The following ATP13A4 variants were observed in gnomAD, a reference collection of about 807,000 sequenced individuals.
ATP13A4 encodes ATPase 13A4, also known as probable cation-transporting ATPase 13A4.
In ATP13A4, 114 loss-of-function variants were observed where a neutral mutation model predicts 142.5. That is an observed-to-expected ratio of 0.80 (90% CI 0.69 to 0.93). The LOEUF is 0.93. ATP13A4 is among the 40% of genes least tolerant of loss of function. ATP13A4 has a pLI of 0.00. For synonymous variants in ATP13A4, 488 were observed against 514.8 expected, an observed-to-expected ratio of 0.95 and a Z score of 0.70; for missense variants, 1,392 against 1,454.0, an observed-to-expected ratio of 0.96 and a Z score of 0.69.
intron 2 of ATP13A4, among the ~76,000 whole-genome samples, chr3:193,507,228 G>A (rs1720906895): frequency 6.6e-6 from 1 of 152,134 alleles, no homozygotes. Flanking sequence ...ATACCTAGAG[G>A]ATTATGGATA....
intron 12 of ATP13A4, among the ~76,000 whole-genome samples, chr3:193,464,026 C>T (rs1449006695): frequency 6.6e-6 from 1 of 152,158 alleles, no homozygotes; most frequent in Non-Finnish European, 1.5e-5. Flanking sequence ...CACTTAATGC[C>T]AGTGAACAGT....
chr3:193,555,242 C>T, upstream of ATP13A4: 1 of 286,414 alleles, frequency 3.5e-6, no homozygotes, highest in Non-Finnish European at 6.9e-6. Flanking sequence ...CTGCTTTATT[C>T]AGAGGACCTA....
chr3:193,457,910 T>C (rs1717730919), intron 14 of ATP13A4, among the ~76,000 whole-genome samples: 1 of 152,234 alleles, frequency 6.6e-6, no homozygotes, highest in South Asian at 2.1e-4. Flanking sequence ...GGGCAGAGAC[T>C]GTGATATACA....
intron 25 of ATP13A4, among the ~76,000 whole-genome samples, chr3:193,425,874 T>A (rs1475511680): frequency 6.6e-6 from 1 of 151,772 alleles, no homozygotes; most frequent in African/African-American, 2.4e-5. Context: ...GAATTCTGAA[T>A]GTTCTCACTA....
chr3:193,461,155 A>G (rs1410494196), intron 13 of ATP13A4, among the ~76,000 whole-genome samples: 2 of 152,230 alleles, frequency 1.3e-5, no homozygotes, highest in Non-Finnish European at 2.9e-5. Context: ...CATTATATTA[A>G]TTGTTATTCC....
intron 2 of ATP13A4, among the ~76,000 whole-genome samples, chr3:193,566,917 C>T (rs1724147289): frequency 6.6e-6 from 1 of 152,206 alleles, no homozygotes; most frequent in South Asian, 2.1e-4. Flanking sequence ...TCATACCTAA[C>T]ATGAATGTTT....
At chr3:193,404,683 T>A (rs1020902914) in intron 29 of ATP13A4, among the ~76,000 whole-genome samples, 1 of 152,154 alleles carries the variant, frequency 6.6e-6, no homozygotes, top group Non-Finnish European at 1.5e-5. Flanking sequence ...TCCGCCATGA[T>A]TGAAAGTTTC....
At chr3:193,513,184 A>G (rs1046642654) in intron 2 of ATP13A4, among the ~76,000 whole-genome samples, 9 of 152,190 alleles carry the variant, frequency 5.9e-5, no homozygotes, top group African/African-American at 2.2e-4. Context: ...GCTGGCCCCA[A>G]TGGAGCAAGT....
rs1316066323 is a variant in ATP13A4, at chr3:193,400,912, G to A, written c.*1740C>T. On this transcript the variant is annotated 3_prime_UTR_variant, in exon 30 of 30. Transcript: ENST00000342695. ...CATTCAGAACTGCCATATCATTGCT[G>A]AGGCTGGCTTTGCAAAAGGAAACAT... Among the ~76,000 whole-genome samples, 1 of 152,202 alleles carries A rather than the reference G, an allele frequency of 6.6e-6. No homozygotes were observed. The highest frequency in any genetic ancestry group is 1.9e-4 in the East Asian group (1 of 5,198).
In ATP13A4 at chr3:193,531,650, T is replaced by C. The variant is rs374913971; in HGVS notation, c.61-16779A>G. On this transcript the variant is annotated intron_variant, in intron 1 of 29. Coordinates refer to ENST00000342695, the MANE Select transcript of ATP13A4 (RefSeq NM_032279.4). ...TTCAATTGACATGGTTTGGCTATTG[T>C]CTAAGGCTGAGAAAAGATGGATGAC... is the stretch of plus-strand genomic sequence containing the variant. Among the ~76,000 whole-genome samples, 4 of 152,228 alleles carry C rather than the reference T, an allele frequency of 2.6e-5. No homozygotes were observed. The South Asian group carries it at 8.3e-4, about 32-fold the overall frequency.
intron 3 of ATP13A4, among the ~76,000 whole-genome samples, chr3:193,494,533 G>A (rs1434185981): frequency 6.6e-6 from 1 of 151,854 alleles, no homozygotes; most frequent in Non-Finnish European, 1.5e-5. Context: ...CAACCAATTG[G>A]TCAACAAAGA....
At chr3:193,473,815 C>CA (rs758979182) in intron 8 of ATP13A4, among the ~76,000 whole-genome samples, 16 of 152,180 alleles carry the variant, frequency 1.1e-4, no homozygotes, top group Admixed American at 5.2e-4. Context: ...TCAGAAGAGT[C>CA]AAAGTCACAG....
At chr3:193,445,047 G>A (rs182652297) in intron 18 of ATP13A4, among the ~76,000 whole-genome samples, 43 of 152,276 alleles carry the variant, frequency 2.8e-4, no homozygotes, top group African/African-American at 9.6e-4. Context: ...TAAGAAATCC[G>A]AGACACTGGA....
intron 26 of ATP13A4, among the ~76,000 whole-genome samples, chr3:193,413,033 A>G (rs114502449): frequency 0.058 from 8,860 of 152,286 alleles, 476 homozygotes; most frequent in East Asian, 0.18. Context: ...TATAACAGCA[A>G]CAACGACAAC....
chr3:193,548,617 A>G (rs1577072110), intron 1 of ATP13A4, among the ~76,000 whole-genome samples: 2 of 152,354 alleles, frequency 1.3e-5, no homozygotes, highest in East Asian at 3.9e-4. Context: ...AGAGGTGCTC[A>G]TGGAGCATAA....
chr3:193,582,138 ACTTTT>A (rs1225773674), intron 1 of ATP13A4, among the ~76,000 whole-genome samples: 57 of 135,308 alleles, frequency 4.2e-4, no homozygotes, highest in Admixed American at 1.6e-3. Context: ...ACATATGTAT[ACTTTT>A]CTTTTCTTTT....
intron 9 of ATP13A4, among the ~76,000 whole-genome samples, chr3:193,468,686 A>G (rs1718446865): frequency 6.6e-6 from 1 of 152,190 alleles, no homozygotes; most frequent in Admixed American, 6.5e-5. Flanking sequence ...GGTGGAGGTG[A>G]AAGTGAGCAG....
At position 193,465,147 on chromosome 3, in the gene ATP13A4, T is replaced by C. The variant is rs1280015490; in HGVS notation, c.1273-19A>G. On this transcript the variant is annotated intron_variant, in intron 11 of 29. Transcript: ENST00000342695. The stretch of plus-strand genomic sequence containing the variant: ...GAGGTTCCTGGACGACAGTCATTCT[T>C]TAATTATTACAGACAAATCTCTGAT... The C allele has an allele frequency of 7.4e-6, 12 of 1,612,046 alleles. No homozygotes were observed. Among genetic ancestry groups the C allele is most frequent in the African/African-American group, 1.3e-5 (1 of 74,974 alleles).
intron 23 of ATP13A4, among the ~76,000 whole-genome samples, chr3:193,437,595 T>G (rs35828609): frequency 0.022 from 3,304 of 152,250 alleles, 58 homozygotes; most frequent in Non-Finnish European, 0.034. Flanking sequence ...TCAATTGTTT[T>G]GTTTGTTAAA....
Sources: gnomAD v4.1 joint callset for allele counts (sites outside exome capture counted in the v4.1 genomes callset) on GRCh38, gnomAD v4.1.1 for gene constraint, MANE v1.5 for transcripts, NCBI Gene and HGNC (gene_info 2026-07-23, HGNC 2026-07-21) for gene names.